BAIAP2L1: variants seen among roughly 807,000 people sequenced by gnomAD.
The protein encoded by BAIAP2L1 is BAR/IMD domain containing adaptor protein 2 like 1.
Under a neutral mutation model 66.3 loss-of-function variants are expected in BAIAP2L1, and 35 were observed. The observed-to-expected ratio is 0.53, with a 90% confidence interval of 0.40 to 0.70. The LOEUF is 0.70. BAIAP2L1 is among the 30% of genes least tolerant of loss of function. The pLI is 0.00. For synonymous variants in BAIAP2L1, 269 were observed against 248.7 expected (o/e 1.08, Z -0.77); for missense variants, 622 against 656.9 (o/e 0.95, Z 0.58).
chr7:98,310,418 T>G, intron 9 of BAIAP2L1, 27 bp downstream of exon 9: 1 of 1,566,266 alleles, frequency 6.4e-7, no homozygotes, highest in Admixed American at 2.1e-5. Flanking sequence ...AAAGGTATCT[T>G]CAAATAAATC....
intron 1 of BAIAP2L1, among the ~76,000 whole-genome samples, chr7:98,395,435 T>A (rs1449194546): frequency 1.2e-5 from 1 of 81,612 alleles, no homozygotes; most frequent in African/African-American, 4.0e-5. Flanking sequence ...CAAGACTGTC[T>A]CAAAAAAAAA....
intron 1 of BAIAP2L1, among the ~76,000 whole-genome samples, chr7:98,363,407 T>C (rs138364742): frequency 3.6e-3 from 548 of 152,284 alleles, no homozygotes; most frequent in African/African-American, 0.013. Context: ...CCAGACCCTG[T>C]GCACACAGCT....
chr7:98,293,941 T>TC, intron 13 of BAIAP2L1, 133 bp downstream of exon 13: 4 of 1,045,822 alleles, frequency 3.8e-6, no homozygotes, highest in Non-Finnish European at 5.7e-6. Context: ...GGGGCTGCAC[T>TC]CCCCCATGGC....
At chr7:98,318,259 C>T (rs1298976092) in intron 5 of BAIAP2L1, among the ~76,000 whole-genome samples, 1 of 152,214 alleles carries the variant, frequency 6.6e-6, no homozygotes, top group African/African-American at 2.4e-5. Flanking sequence ...TCCTCAAAGG[C>T]TTTTTGATGC....
At position 98,314,557 on chromosome 7, in the gene BAIAP2L1, T is replaced by A. The variant is rs73709465; in HGVS notation, c.639+903A>T. ...AATGTGACATGTGTTGCATCATGAT[T>A]CCTGGGGGTTCGAACCTCACAGCTG... On this transcript the variant is annotated intron_variant, in intron 7 of 13. Coordinates refer to ENST00000005260, the MANE Select transcript of BAIAP2L1 (RefSeq NM_018842.5). Among the ~76,000 whole-genome samples, 175 of 152,326 alleles carry A rather than the reference T, an allele frequency of 1.1e-3. 1 individual carries two copies. The highest frequency in any genetic ancestry group is 4.1e-3 in the African/African-American group (171 of 41,578).
In BAIAP2L1 at chr7:98,317,021, C is replaced by T. The variant is rs1801094955; in HGVS notation, c.486+198G>A. Among the ~76,000 whole-genome samples, 3 of 152,076 alleles carry T rather than the reference C, an allele frequency of 2.0e-5. No individual in the cohort carries two copies. In the South Asian group the frequency reaches 6.2e-4, roughly 32 times the overall value. On this transcript the variant is annotated intron_variant, in intron 6 of 13. Transcript: ENST00000005260. ...GTGACTACAGGTACCTGCCATCACCCCAGCTAGTTTTTGTAGAGGCAAGGT... is the reference window on the plus strand; with the variant it reads ...GTGACTACAGGTACCTGCCATCACCTCAGCTAGTTTTTGTAGAGGCAAGGT...
rs1800093406 is a variant in BAIAP2L1 at position 98,294,277 on chromosome 7, G to C, written c.1423-166C>G. On this transcript the variant is annotated intron_variant, in intron 12 of 13. Coordinates refer to ENST00000005260, the MANE Select transcript of BAIAP2L1 (RefSeq NM_018842.5). ...TAATGTGCTGGGACTACAGGTGTGAGCCGCTGCGACTGGCCTGTATTGGAG... is the reference window on the plus strand; with the variant it reads ...TAATGTGCTGGGACTACAGGTGTGACCCGCTGCGACTGGCCTGTATTGGAG... Among the ~76,000 whole-genome samples, 7 of 152,238 alleles carry C rather than the reference G, an allele frequency of 4.6e-5. No homozygotes were observed. The South Asian group carries it at 1.4e-3, about 32-fold the overall frequency.
intron 12 of BAIAP2L1, among the ~76,000 whole-genome samples, chr7:98,294,981 T>C (rs976710037): frequency 6.6e-6 from 1 of 151,766 alleles, no homozygotes; most frequent in African/African-American, 2.4e-5. Context: ...ACACAGGGAG[T>C]GGAGTCAGGC....
At chr7:98,343,286 C>G (rs1217382962) in intron 3 of BAIAP2L1, among the ~76,000 whole-genome samples, 1 of 144,510 alleles carries the variant, frequency 6.9e-6, no homozygotes, top group Admixed American at 7.0e-5. Flanking sequence ...CACACACACA[C>G]AGACACACAC....
chr7:98,341,129 C>T (rs545231564), intron 3 of BAIAP2L1, among the ~76,000 whole-genome samples: 72 of 152,060 alleles, frequency 4.7e-4, no homozygotes, highest in Non-Finnish European at 4.0e-4. Context: ...CATGTGCTTG[C>T]TTCCAGGAAA....
intron 7 of BAIAP2L1, among the ~76,000 whole-genome samples, chr7:98,313,965 A>G (rs989074238): frequency 6.8e-6 from 1 of 147,844 alleles, no homozygotes; most frequent in African/African-American, 2.5e-5. Context: ...TAGGGAGCTG[A>G]ATACTCCTTT....
intron 2 of BAIAP2L1, among the ~76,000 whole-genome samples, chr7:98,358,418 T>G (rs1177177527): frequency 6.6e-6 from 1 of 151,980 alleles, no homozygotes; most frequent in Admixed American, 6.6e-5. Flanking sequence ...AGTGCAGTGG[T>G]GTGATCATAG....
At chr7:98,338,154 G>A (rs916844279) in intron 3 of BAIAP2L1, among the ~76,000 whole-genome samples, 4 of 152,010 alleles carry the variant, frequency 2.6e-5, no homozygotes, top group Non-Finnish European at 4.4e-5. Flanking sequence ...GCCGTTAGGC[G>A]GGGCATGGTG....
rs181479388 is a variant in BAIAP2L1 at position 98,318,198 on chromosome 7, G to A, written c.349-842C>T. On this transcript the variant is annotated intron_variant, in intron 5 of 13. Transcript: ENST00000005260. ...GTTACTGTTTAAATGAGGAGCCCCC[G>A]ACCAGAAGCCAAGTCTCTAAGGACA... 4.4e-3 allele frequency among the ~76,000 whole-genome samples: 670 copies of A among 152,296 alleles called. 6 individuals are homozygous for A. Among genetic ancestry groups the A allele is most frequent in the African/African-American group, 0.015 (642 of 41,562 alleles).
intron 1 of BAIAP2L1, among the ~76,000 whole-genome samples, chr7:98,392,427 C>A (rs771385797): frequency 3.9e-5 from 6 of 152,150 alleles, no homozygotes; most frequent in Non-Finnish European, 8.8e-5. Context: ...TCATTTGGTG[C>A]ATGCTTTCTG....
chr7:98,294,427 G>A (rs1378479710), intron 12 of BAIAP2L1, among the ~76,000 whole-genome samples: 1 of 152,246 alleles, frequency 6.6e-6, no homozygotes. Flanking sequence ...AAAACGCTCT[G>A]AAAGGCGGTA....
intron 10 of BAIAP2L1, 37 bp downstream of exon 10, chr7:98,307,652 T>A (rs965583499): frequency 2.5e-6 from 4 of 1,610,172 alleles, no homozygotes; most frequent in Non-Finnish European, 3.4e-6. Context: ...GGAGGGGCCG[T>A]CTGGTGCCCT....
intron 3 of BAIAP2L1, among the ~76,000 whole-genome samples, chr7:98,324,021 G>T (rs748668588): frequency 6.6e-6 from 1 of 151,242 alleles, no homozygotes; most frequent in Non-Finnish European, 1.5e-5. Context: ...TTGAAAAGGG[G>T]GAAAAAAAAA....
intron 3 of BAIAP2L1, among the ~76,000 whole-genome samples, chr7:98,345,306 G>A (rs1316277385): frequency 2.0e-5 from 3 of 152,076 alleles, no homozygotes; most frequent in African/African-American, 4.8e-5. Flanking sequence ...TTCAAGCAAC[G>A]GAACTGCTTT....
Sources: gnomAD v4.1 joint callset for allele counts (sites outside exome capture counted in the v4.1 genomes callset) on GRCh38, gnomAD v4.1.1 for gene constraint, MANE v1.5 for transcripts, NCBI Gene and HGNC (gene_info 2026-07-23, HGNC 2026-07-21) for gene names.